Variants in STARD13 observed in about 807,000 individuals in gnomAD.
STARD13 encodes stAR-related lipid transfer protein 13.
STARD13 carries 62 observed loss-of-function variants against 106.4 expected under a neutral mutation model. The ratio of observed to expected loss-of-function variants is 0.58; its 90% CI spans 0.48 to 0.72. STARD13 has a LOEUF of 0.72. Among genes scored for constraint, STARD13 ranks in the 30% least tolerant of loss-of-function variants. The probability of loss-of-function intolerance (pLI) is 0.00; values close to 1 mark genes in which losing one functional copy is unlikely to be tolerated. For missense variants in STARD13, 1,387 were observed against 1,424.0 expected, an observed-to-expected ratio of 0.97 and a Z score of 0.42; for synonymous variants, 565 against 553.0, an observed-to-expected ratio of 1.02 and a Z score of -0.31.
chr13:33,193,610 G>A lies in STARD13; in HGVS notation c.170-25988C>T, dbSNP rs539276760. On this transcript the variant is annotated intron_variant, in intron 1 of 13. Transcript: ENST00000336934. The stretch of plus-strand genomic sequence containing the variant: ...GTCGGAAAGCGTGAACACAACCAGC[G>A]ACAGTGTCAGGATTCAAACCCAGAC... Among the ~76,000 whole-genome samples the A allele has an allele frequency of 6.6e-5, 10 of 152,216 alleles. No individual in the cohort carries two copies. In the South Asian group the frequency reaches 1.5e-3, roughly 22 times the overall value.
chr13:33,614,582 G>A, the STARD13 span, among the ~76,000 whole-genome samples: 3 of 152,058 alleles, frequency 2.0e-5, no homozygotes, highest in African/African-American at 4.8e-5. Context: ...ACACATATAC[G>A]TGAGCAAATA....
the STARD13 span, among the ~76,000 whole-genome samples, chr13:33,578,276 C>T: frequency 6.6e-5 from 10 of 152,120 alleles, no homozygotes; most frequent in East Asian, 9.7e-4. Flanking sequence ...GAAACTAAAA[C>T]GGCATGGTAT....
chr13:33,675,487 A>G, the STARD13 span, among the ~76,000 whole-genome samples: 2 of 152,198 alleles, frequency 1.3e-5, no homozygotes, highest in African/African-American at 4.8e-5. Context: ...TGTAGGTAGG[A>G]GAGAACCTGT....
chr13:33,462,745 C>T, the STARD13 span, among the ~76,000 whole-genome samples: 7 of 152,132 alleles, frequency 4.6e-5, no homozygotes, highest in Admixed American at 1.3e-4. Context: ...GCTCCTTCCA[C>T]CTTCTTCTGC....
chr13:33,520,967 A>G, the STARD13 span, among the ~76,000 whole-genome samples: 11 of 152,234 alleles, frequency 7.2e-5, 1 homozygote, highest in South Asian at 8.3e-4. Flanking sequence ...AGCTTCCCCA[A>G]TTAGAGTCTA....
At chr13:33,344,448 A>G (rs2077997225), downstream of STARD13, among the ~76,000 whole-genome samples, 1 of 152,256 alleles carries the variant, frequency 6.6e-6, no homozygotes, top group Non-Finnish European at 1.5e-5. Context: ...ACATGAAAAG[A>G]ATAGTTGAGT....
intron 1 of STARD13, among the ~76,000 whole-genome samples, chr13:33,192,917 C>G (rs1038274427): frequency 2.2e-4 from 33 of 152,016 alleles, no homozygotes; most frequent in African/African-American, 7.7e-4. Context: ...AAGGTATTAC[C>G]ATTCCCATCT....
chr13:33,343,196 T>C (rs2077979635), intron 1 of STARD13, among the ~76,000 whole-genome samples: 2 of 151,870 alleles, frequency 1.3e-5, no homozygotes, highest in African/African-American at 4.8e-5. Flanking sequence ...TTGGCCAACA[T>C]TGCTACACTC....
At chr13:33,501,924 A>G in the STARD13 span, among the ~76,000 whole-genome samples, 2 of 152,134 alleles carry the variant, frequency 1.3e-5, no homozygotes, top group African/African-American at 2.4e-5. Context: ...GAAGAAAGTC[A>G]TTGGTAGCTT....
At chr13:33,443,974 TGGG>T in the STARD13 span, among the ~76,000 whole-genome samples, 1 of 149,130 alleles carries the variant, frequency 6.7e-6, no homozygotes, top group Non-Finnish European at 1.5e-5. Flanking sequence ...CTGCTCCTAT[TGGG>T]GGGATAATTA....
the STARD13 span, among the ~76,000 whole-genome samples, chr13:33,479,280 A>T: frequency 6.6e-6 from 1 of 152,222 alleles, no homozygotes; most frequent in Non-Finnish European, 1.5e-5. Context: ...TGCTGGTGGG[A>T]ATGCAAACAC....
the STARD13 span, among the ~76,000 whole-genome samples, chr13:33,453,846 G>C: frequency 6.7e-4 from 102 of 152,372 alleles, no homozygotes; most frequent in Admixed American, 2.3e-3. Context: ...CTGAGTTGTT[G>C]CTTCTCTATT....
intron 1 of STARD13, among the ~76,000 whole-genome samples, chr13:33,259,034 T>G (rs1489940149): frequency 6.6e-6 from 1 of 152,190 alleles, no homozygotes; most frequent in Non-Finnish European, 1.5e-5. Context: ...TAGTATGGAT[T>G]CTGGAGCTCC....
the STARD13 span, among the ~76,000 whole-genome samples, chr13:33,405,030 G>A: frequency 6.6e-6 from 1 of 152,160 alleles, no homozygotes; most frequent in South Asian, 2.1e-4. Context: ...GCCTGCCATG[G>A]CCTCCCAAAG....
chr13:33,228,194 TGAAG>T (rs911363039), intron 1 of STARD13, among the ~76,000 whole-genome samples: 32 of 152,132 alleles, frequency 2.1e-4, no homozygotes, highest in African/African-American at 7.2e-4. Context: ...GGAAAATCAC[TGAAG>T]GCTGGGAGGG....
the STARD13 span, among the ~76,000 whole-genome samples, chr13:33,600,890 A>G: frequency 6.9e-6 from 1 of 145,786 alleles, no homozygotes; most frequent in East Asian, 2.2e-4. Flanking sequence ...AGAAGATCCT[A>G]AAACTTGTGT....
At chr13:33,600,882 AAGATC>A in the STARD13 span, among the ~76,000 whole-genome samples, 1 of 148,798 alleles carries the variant, frequency 6.7e-6, no homozygotes, top group South Asian at 2.1e-4. Flanking sequence ...AGAGACCAAG[AAGATC>A]CTAAAACTTG....
At chr13:33,349,936 C>T (rs1227758075) in intron 1 of STARD13, among the ~76,000 whole-genome samples, 2 of 152,234 alleles carry the variant, frequency 1.3e-5, no homozygotes, top group South Asian at 2.1e-4. Flanking sequence ...GGTCTGGGCA[C>T]TTATTCACTG....
At chr13:33,208,943 G>A (rs941649390) in intron 1 of STARD13, among the ~76,000 whole-genome samples, 1 of 152,210 alleles carries the variant, frequency 6.6e-6, no homozygotes. Context: ...TTATGGTACA[G>A]CCACATAGTG....
Sources: gnomAD v4.1 joint callset for allele counts (sites outside exome capture counted in the v4.1 genomes callset) on GRCh38, gnomAD v4.1.1 for gene constraint, MANE v1.5 for transcripts, NCBI Gene and HGNC (gene_info 2026-07-23, HGNC 2026-07-21) for gene names.